The following MYOCOS variants were observed in gnomAD, a reference collection of about 807,000 sequenced individuals.
MYOCOS encodes myocilin opposite strand, also known as myocilin opposite strand protein.
At chr1:171,626,053 A>G (rs772577117) in intron 2 of MYOCOS, among the ~76,000 whole-genome samples, 2 of 151,806 alleles carry the variant, frequency 1.3e-5, no homozygotes, top group African/African-American at 2.4e-5. Flanking sequence ...TTCTTTTTAG[A>G]TGCTGGCATC....
At chr1:171,602,775 CTTTCTTTGGTCTAAAAACTAA>C (rs1652167920) in intron 1 of MYOCOS, among the ~76,000 whole-genome samples, 1 of 152,094 alleles carries the variant, frequency 6.6e-6, no homozygotes, top group Admixed American at 6.6e-5. Context: ...TAGTGTTTAA[CTTTCTTTGGTCTAAAAACTAA>C]TAAAAAATAG....
At chr1:171,624,612 G>A (rs35873128) in intron 2 of MYOCOS, among the ~76,000 whole-genome samples, 268 of 151,180 alleles carry the variant, frequency 1.8e-3, no homozygotes, top group African/African-American at 6.3e-3. Flanking sequence ...AATATTTTGT[G>A]TGTGTGTGTG....
rs116255555 is a variant in MYOCOS at position 171,602,176 on chromosome 1, C to A, written c.-252+1096C>A. Among the ~76,000 whole-genome samples the A allele has an allele frequency of 3.8e-3, 583 of 151,970 alleles. 4 individuals carry two copies. Among genetic ancestry groups the A allele is most frequent in the African/African-American group, 0.013 (541 of 41,424 alleles). ...TAACTGCTTGTTTAAAGAAAAAAAT[C>A]TTTGTAATAAGTCAGAAAGTTGAGA... is the stretch of plus-strand genomic sequence containing the variant. On this transcript the variant is annotated intron_variant, in intron 1 of 3. Transcript: ENST00000636697.
upstream of MYOCOS, among the ~76,000 whole-genome samples, chr1:171,619,722 A>G (rs2102937887): frequency 6.6e-6 from 1 of 152,020 alleles, no homozygotes; most frequent in African/African-American, 2.4e-5. Flanking sequence ...CTGTGGTCCC[A>G]GCTACTCAGG....
chr1:171,614,830 A>G (rs765420361), exon 2 of MYOCOS: 14 of 152,254 alleles, frequency 9.2e-5, no homozygotes, highest in Non-Finnish European at 2.1e-4. Context: ...CGCTGTGCAG[A>G]CAACACTGAG....
intron 2 of MYOCOS, among the ~76,000 whole-genome samples, chr1:171,625,226 T>A (rs557586749): frequency 6.6e-6 from 1 of 152,338 alleles, no homozygotes; most frequent in South Asian, 2.1e-4. Context: ...TGTGCTCTAA[T>A]GTCCATCCAA....
chr1:171,615,837 C>G (rs986607050), intron 2 of MYOCOS, among the ~76,000 whole-genome samples: 4 of 152,196 alleles, frequency 2.6e-5, no homozygotes, highest in African/African-American at 9.7e-5. Flanking sequence ...ATGCTCCCAG[C>G]TGAATAAAGC....
intron 2 of MYOCOS, chr1:171,615,141 A>G (rs1051793370): frequency 3.9e-5 from 6 of 152,256 alleles, no homozygotes; most frequent in African/African-American, 1.4e-4. Context: ...TTTGGAGCAG[A>G]GTGGTAACAT....
intron 2 of MYOCOS, among the ~76,000 whole-genome samples, chr1:171,625,913 G>T (rs1219262064): frequency 6.6e-6 from 1 of 152,152 alleles, no homozygotes; most frequent in Non-Finnish European, 1.5e-5. Context: ...ACTCTGTTGG[G>T]TCCATGGCAC....
intron 1 of MYOCOS, among the ~76,000 whole-genome samples, chr1:171,609,589 C>G (rs1321777240): frequency 6.6e-6 from 1 of 152,134 alleles, no homozygotes; most frequent in African/African-American, 2.4e-5. Context: ...GAAGGGCAAC[C>G]TATTATTATC....
chr1:171,604,844 A>G (rs1173555243), intron 1 of MYOCOS, among the ~76,000 whole-genome samples: 3 of 152,230 alleles, frequency 2.0e-5, no homozygotes, highest in Non-Finnish European at 4.4e-5. Flanking sequence ...CAAAAAGGAA[A>G]AGGCAGCCCC....
upstream of MYOCOS, among the ~76,000 whole-genome samples, chr1:171,621,547 T>C (rs1652575891): frequency 6.6e-6 from 1 of 151,940 alleles, no homozygotes; most frequent in Non-Finnish European, 1.5e-5. Context: ...GGCTAATTTT[T>C]TGTATTTTTA....
chr1:171,614,360 G>A (rs941925467), intron 1 of MYOCOS, among the ~76,000 whole-genome samples: 1 of 152,196 alleles, frequency 6.6e-6, no homozygotes, highest in Non-Finnish European at 1.5e-5. Context: ...ATCTGTGGGA[G>A]AATTAAGTAA....
At position 171,623,332 on chromosome 1, in the gene MYOCOS, A is replaced by G. The variant is rs1652612389; in HGVS notation, c.-43-509A>G. ...CCATGTGCATATCTGGACAAGTAGC[A>G]TGGCTCCCAGCTGCAGCCTTATTTA... On this transcript the variant is annotated intron_variant, in intron 1 of 2. Transcript: ENST00000637642. Among the ~76,000 whole-genome samples, 8 of 152,202 alleles carry G rather than the reference A, an allele frequency of 5.3e-5. No homozygotes were observed. The South Asian group carries it at 1.4e-3, about 28-fold the overall frequency.
chr1:171,621,953 C>A (rs1258705625), upstream of MYOCOS, among the ~76,000 whole-genome samples: 1 of 152,194 alleles, frequency 6.6e-6, no homozygotes, highest in Non-Finnish European at 1.5e-5. Flanking sequence ...GATACTATTA[C>A]TCCTCTTTTA....
upstream of MYOCOS, among the ~76,000 whole-genome samples, chr1:171,620,186 T>A (rs1266223110): frequency 6.6e-6 from 1 of 151,442 alleles, no homozygotes; most frequent in African/African-American, 2.4e-5. Context: ...TTCCATTATA[T>A]GAAGGTGAGG....
chr1:171,616,369 G>A (rs1043522687), intron 2 of MYOCOS, among the ~76,000 whole-genome samples: 8 of 152,248 alleles, frequency 5.3e-5, no homozygotes, highest in African/African-American at 1.9e-4. Context: ...GCAAAACTCT[G>A]TCTCTATTAA....
intron 1 of MYOCOS, among the ~76,000 whole-genome samples, chr1:171,606,452 C>T (rs1172130866): frequency 7.5e-5 from 5 of 66,772 alleles, no homozygotes; most frequent in Non-Finnish European, 8.6e-5. Context: ...ACAGGCAGCC[C>T]GGCACCAGGC....
At chr1:171,613,016 G>T (rs1652382976) in intron 1 of MYOCOS, among the ~76,000 whole-genome samples, 1 of 152,178 alleles carries the variant, frequency 6.6e-6, no homozygotes, top group Non-Finnish European at 1.5e-5. Context: ...TAGCCTTCAT[G>T]TGTCTTTAAC....
Sources: allele counts gnomAD v4.1 joint callset (sites outside exome capture counted in the v4.1 genomes callset), GRCh38; gene constraint gnomAD v4.1.1; transcripts MANE v1.5; gene names NCBI Gene and HGNC (gene_info 2026-07-23, HGNC 2026-07-21).